The following SEMA3E variants were observed in gnomAD, a reference collection of about 807,000 sequenced individuals.
The protein encoded by SEMA3E is semaphorin-3E.
SEMA3E carries 49 observed loss-of-function variants against 93.6 expected under a neutral mutation model. That is an observed-to-expected ratio of 0.52 (90% CI 0.42 to 0.66). SEMA3E has a LOEUF of 0.66. Among genes scored for constraint, SEMA3E ranks in the 30% least tolerant of loss-of-function variants. The probability of loss-of-function intolerance (pLI) is 0.00; values close to 1 mark genes in which losing one functional copy is unlikely to be tolerated. For missense variants in SEMA3E, 906 were observed against 964.8 expected (o/e 0.94, Z 0.81); for synonymous variants, 363 against 330.7 (o/e 1.10, Z -1.06).
chr7:83,427,620 A>T (rs933977801), intron 4 of SEMA3E, among the ~76,000 whole-genome samples: 4 of 152,186 alleles, frequency 2.6e-5, no homozygotes, highest in Non-Finnish European at 2.9e-5. Context: ...ATATTCCAGA[A>T]GGAAACTTCT....
chr7:83,523,304 A>C lies in SEMA3E; in HGVS notation c.116-33030T>G, dbSNP rs1216149610. Among the ~76,000 whole-genome samples the C allele has an allele frequency of 2.6e-5, 4 of 152,104 alleles. No homozygotes were observed. In the East Asian group the frequency reaches 7.7e-4, roughly 29 times the overall value. On this transcript the variant is annotated intron_variant, in intron 1 of 16. Transcript: ENST00000643230. ...TTTACTCGTGTTTGTCCCAGATGAA[A>C]GAGTGATCTCAAGAGAGTACCAGCT...
chr7:83,591,072 C>A, intron 1 of SEMA3E, among the ~76,000 whole-genome samples: 1 of 144,520 alleles, frequency 6.9e-6, no homozygotes, highest in Non-Finnish European at 1.5e-5. Flanking sequence ...TTAATGTTAT[C>A]CATACATTAT....
intron 1 of SEMA3E, among the ~76,000 whole-genome samples, chr7:83,535,843 AATT>A (rs1791402571): frequency 6.6e-6 from 1 of 152,146 alleles, no homozygotes; most frequent in African/African-American, 2.4e-5. Context: ...TTCAAACCTA[AATT>A]ATTATTAAAG....
intron 1 of SEMA3E, among the ~76,000 whole-genome samples, chr7:83,544,813 G>A (rs1379330065): frequency 6.6e-6 from 1 of 151,948 alleles, no homozygotes; most frequent in Non-Finnish European, 1.5e-5. Context: ...TCTCATCTAG[G>A]TGGGACCCTT....
intron 1 of SEMA3E, among the ~76,000 whole-genome samples, chr7:83,588,169 G>C (rs1792671282): frequency 6.6e-6 from 1 of 152,038 alleles, no homozygotes; most frequent in Non-Finnish European, 1.5e-5. Flanking sequence ...GGATCATGAG[G>C]TCAGGAGATT....
chr7:83,412,636 C>A (rs1289512644), intron 5 of SEMA3E, among the ~76,000 whole-genome samples: 2 of 150,292 alleles, frequency 1.3e-5, no homozygotes, highest in African/African-American at 4.9e-5. Context: ...GGGGCCTACA[C>A]CTGTGGTCCC....
intron 2 of SEMA3E, among the ~76,000 whole-genome samples, chr7:83,488,168 G>A (rs1351767997): frequency 6.6e-6 from 1 of 152,046 alleles, no homozygotes; most frequent in African/African-American, 2.4e-5. Context: ...TGCATAATAA[G>A]CAGTAATGCC....
chr7:83,387,781 T>A (rs953784501), intron 14 of SEMA3E, among the ~76,000 whole-genome samples: 11 of 147,100 alleles, frequency 7.5e-5, no homozygotes. Flanking sequence ...CTGAAAAAAA[T>A]ACAATATTCT....
intron 1 of SEMA3E, among the ~76,000 whole-genome samples, chr7:83,599,437 A>C (rs1227873947): frequency 6.6e-6 from 1 of 152,210 alleles, no homozygotes; most frequent in African/African-American, 2.4e-5. Flanking sequence ...TAGTTCATTT[A>C]GACTGTGAGC....
At chr7:83,602,791 A>G (rs1793025656) in intron 1 of SEMA3E, among the ~76,000 whole-genome samples, 1 of 152,078 alleles carries the variant, frequency 6.6e-6, no homozygotes, top group South Asian at 2.1e-4. Flanking sequence ...GCACTCTTAA[A>G]TATTAGTTTC....
chr7:83,555,366 C>A (rs1354210872), intron 1 of SEMA3E, among the ~76,000 whole-genome samples: 1 of 152,018 alleles, frequency 6.6e-6, no homozygotes, highest in East Asian at 1.9e-4. Context: ...TTACTTTTTT[C>A]TTTTTTCTCT....
At chr7:83,641,096 G>A (rs535649676) in intron 1 of SEMA3E, among the ~76,000 whole-genome samples, 5 of 152,258 alleles carry the variant, frequency 3.3e-5, no homozygotes, top group East Asian at 3.9e-4. Flanking sequence ...TGAGAAAGAA[G>A]GTGAATAGAC....
intron 4 of SEMA3E, among the ~76,000 whole-genome samples, chr7:83,428,014 C>A (rs1788806427): frequency 6.6e-6 from 1 of 152,194 alleles, no homozygotes; most frequent in African/African-American, 2.4e-5. Context: ...TCAATGGCTT[C>A]TCTTGTGCTT....
rs34099626 is a variant in SEMA3E, at chr7:83,453,421, G to GAA, written c.456+13059_456+13060dup. On this transcript the variant is annotated intron_variant, in intron 4 of 16. Transcript: ENST00000643230. ...GTAAAATAATCCCATTCTCCCTACT[G>GAA]AAAAAAAAAAAAAAAGTACCATTGT... 1.8e-4 allele frequency among the ~76,000 whole-genome samples: 25 copies of GAA among 136,896 alleles called. No homozygotes were observed. In the Middle Eastern group the frequency reaches 0.011, roughly 60 times the overall value. 89.8% of individuals were successfully genotyped at this position (136,896 alleles called of 152,430 possible).
chr7:83,504,756 A>C (rs570146794), intron 1 of SEMA3E, among the ~76,000 whole-genome samples: 6 of 152,268 alleles, frequency 3.9e-5, no homozygotes, highest in Non-Finnish European at 5.9e-5. Context: ...ACCTAAGAAG[A>C]CCACCCATGT....
intron 4 of SEMA3E, among the ~76,000 whole-genome samples, chr7:83,463,361 T>A (rs1407134865): frequency 6.6e-6 from 1 of 152,032 alleles, no homozygotes; most frequent in Non-Finnish European, 1.5e-5. Context: ...TCACAAACTA[T>A]GCTCAACTCA....
chr7:83,518,619 A>G (rs1043906955), intron 1 of SEMA3E, among the ~76,000 whole-genome samples: 5 of 152,214 alleles, frequency 3.3e-5, no homozygotes, highest in African/African-American at 7.2e-5. Context: ...TGAGGATTAA[A>G]TTAAATGATA....
chr7:83,439,616 A>T (rs1000283984), intron 4 of SEMA3E, among the ~76,000 whole-genome samples: 9 of 152,170 alleles, frequency 5.9e-5, no homozygotes, highest in African/African-American at 2.2e-4. Flanking sequence ...TGATTTTATG[A>T]TTTCAACGCC....
chr7:83,627,736 A>C (rs1380615007), intron 1 of SEMA3E, among the ~76,000 whole-genome samples: 1 of 149,914 alleles, frequency 6.7e-6, no homozygotes, highest in Non-Finnish European at 1.5e-5. Context: ...GGTCTCCTGA[A>C]TACAGCACAC....
Sources: allele counts gnomAD v4.1 joint callset (sites outside exome capture counted in the v4.1 genomes callset), GRCh38; gene constraint gnomAD v4.1.1; transcripts MANE v1.5; gene names NCBI Gene and HGNC (gene_info 2026-07-23, HGNC 2026-07-21).